Variants in GLYATL2 observed in about 807,000 individuals in gnomAD.
GLYATL2 encodes the protein glycine-N-acyltransferase like 2.
GLYATL2 carries 25 observed loss-of-function variants against 21.4 expected under a neutral mutation model. That is an observed-to-expected ratio of 1.17 (90% CI 0.85 to 1.63). GLYATL2 has a LOEUF of 1.63. GLYATL2 is among the 40% of genes most tolerant of loss of function. The pLI is 0.00. For missense variants in GLYATL2, 361 were observed against 343.3 expected (o/e 1.05, Z -0.41); for synonymous variants, 114 against 118.2 (o/e 0.96, Z 0.23).
intron 1 of GLYATL2, among the ~76,000 whole-genome samples, chr11:58,883,055 A>G (rs1164271051): frequency 6.6e-6 from 1 of 152,192 alleles, no homozygotes; most frequent in Non-Finnish European, 1.5e-5. Context: ...TTTTGATTGC[A>G]TATGAACTTT....
intron 1 of GLYATL2, among the ~76,000 whole-genome samples, chr11:58,853,170 A>G (rs1489608628): frequency 6.6e-6 from 1 of 152,204 alleles, no homozygotes; most frequent in Non-Finnish European, 1.5e-5. Flanking sequence ...ACTGACCCCA[A>G]GATTGTTTGA....
intron 1 of GLYATL2, among the ~76,000 whole-genome samples, chr11:58,842,239 A>C (rs1853566007): frequency 6.6e-6 from 1 of 152,220 alleles, no homozygotes; most frequent in African/African-American, 2.4e-5. Context: ...GACTGGAAGA[A>C]TACTTCTTTC....
intron 1 of GLYATL2, among the ~76,000 whole-genome samples, chr11:58,889,498 C>T (rs1854503535): frequency 6.6e-6 from 1 of 152,084 alleles, no homozygotes; most frequent in African/African-American, 2.4e-5. Context: ...TAACAACTTA[C>T]ATCTGAATTA....
upstream of GLYATL2, among the ~76,000 whole-genome samples, chr11:58,904,615 A>T (rs868295870): frequency 6.6e-6 from 1 of 152,230 alleles, no homozygotes; most frequent in Non-Finnish European, 1.5e-5. Flanking sequence ...CTTTCAGATG[A>T]TTCAAGAATA....
At chr11:58,881,337 A>T (rs1590744478) in intron 1 of GLYATL2, among the ~76,000 whole-genome samples, 1 of 152,250 alleles carries the variant, frequency 6.6e-6, no homozygotes, top group Non-Finnish European at 1.5e-5. Context: ...CTTTGAAACT[A>T]TCAGTTGTGA....
intron 1 of GLYATL2, among the ~76,000 whole-genome samples, chr11:58,899,544 C>A (rs568942295): frequency 6.6e-6 from 1 of 151,928 alleles, no homozygotes; most frequent in Non-Finnish European, 1.5e-5. Context: ...GCCTCAGATA[C>A]GAGCAGACAA....
intron 1 of GLYATL2, among the ~76,000 whole-genome samples, chr11:58,883,401 A>T (rs769348816): frequency 6.6e-6 from 1 of 152,246 alleles, no homozygotes; most frequent in Non-Finnish European, 1.5e-5. Context: ...CACCAATCCC[A>T]CAGAAATACA....
At chr11:58,877,634 A>T (rs895936546) in intron 1 of GLYATL2, among the ~76,000 whole-genome samples, 2 of 152,244 alleles carry the variant, frequency 1.3e-5, no homozygotes, top group Non-Finnish European at 2.9e-5. Context: ...CCAGTGAAGA[A>T]AGTCCATTAA....
At chr11:58,849,827 C>T (rs1411814893) in intron 1 of GLYATL2, among the ~76,000 whole-genome samples, 1 of 151,984 alleles carries the variant, frequency 6.6e-6, no homozygotes, top group Non-Finnish European at 1.5e-5. Context: ...AGGAGAAATA[C>T]CTAATGTAGA....
At chr11:58,887,570 A>G (rs1218495848) in intron 1 of GLYATL2, among the ~76,000 whole-genome samples, 1 of 152,112 alleles carries the variant, frequency 6.6e-6, no homozygotes, top group African/African-American at 2.4e-5. Context: ...GTCCTTGCCC[A>G]TATTAACACA....
intron 1 of GLYATL2, among the ~76,000 whole-genome samples, chr11:58,888,401 C>T (rs1401660307): frequency 6.6e-6 from 1 of 151,948 alleles, no homozygotes; most frequent in African/African-American, 2.4e-5. Context: ...ACTCCAAGAT[C>T]ATACAAGTGT....
intron 1 of GLYATL2, among the ~76,000 whole-genome samples, chr11:58,867,451 G>T (rs1451210598): frequency 6.7e-6 from 1 of 148,476 alleles, no homozygotes; most frequent in Non-Finnish European, 1.5e-5. Context: ...GTGAAAGTGG[G>T]TCAATGCCCA....
chr11:58,885,459 ATC>A (rs1207757464), intron 1 of GLYATL2: 25 of 508,794 alleles, frequency 4.9e-5, no homozygotes, highest in Non-Finnish European at 9.5e-5. Flanking sequence ...TATCACATCA[ATC>A]ATAGGAACCC....
At chr11:58,898,482 CTT>C (rs138211723) in intron 1 of GLYATL2, among the ~76,000 whole-genome samples, 103,711 of 146,642 alleles carry the variant, frequency 0.71, 38,452 homozygotes, top group Middle Eastern at 0.85. Context: ...ATTGTTTCCT[CTT>C]TTTTTTTTTT....
At chr11:58,849,580 A>T (rs1249961583), upstream of GLYATL2, among the ~76,000 whole-genome samples, 1 of 152,230 alleles carries the variant, frequency 6.6e-6, no homozygotes, top group African/African-American at 2.4e-5. Flanking sequence ...AAAGCCCAGG[A>T]TCTGACAGCT....
Position 58,834,391 on chromosome 11 carries a change from T to C in GLYATL2, c.*38A>G. On this transcript the variant is annotated 3_prime_UTR_variant, in exon 6 of 6. Transcript: ENST00000287275. ...GCTTGTGTTTGAATTAATGTTTTTT[T>C]ACTGATAAGAAAGATTTGAAATGGA... The C allele has an allele frequency of 6.7e-7, 1 of 1,497,822 alleles. No individual in the cohort carries two copies. The highest frequency in any genetic ancestry group is 9.0e-7 in the Non-Finnish European group (1 of 1,114,100). 92.8% of individuals were successfully genotyped at this position (1,497,822 alleles called of 1,614,324 possible). A position where few individuals can be genotyped will look rare whatever the true frequency, so the allele number is the denominator to read the frequency against.
At chr11:58,842,661 A>G (rs2134577915) in intron 1 of GLYATL2, among the ~76,000 whole-genome samples, 1 of 152,310 alleles carries the variant, frequency 6.6e-6, no homozygotes, top group Non-Finnish European at 1.5e-5. Flanking sequence ...TGAATGAATG[A>G]AACATTCATA....
chr11:58,845,148 A>G (rs1853620650), upstream of GLYATL2, among the ~76,000 whole-genome samples: 1 of 152,244 alleles, frequency 6.6e-6, no homozygotes, highest in Non-Finnish European at 1.5e-5. Flanking sequence ...AAGATCAATT[A>G]GGCTTGTTTG....
At chr11:58,860,229 A>T (rs633578) in intron 1 of GLYATL2, among the ~76,000 whole-genome samples, 135,007 of 152,178 alleles carry the variant, frequency 0.89, 61,053 homozygotes, top group Non-Finnish European at 0.98. Context: ...GACAGTATTA[A>T]TTCTCCCAAT....
Sources: gnomAD v4.1 joint callset for allele counts (sites outside exome capture counted in the v4.1 genomes callset) on GRCh38, gnomAD v4.1.1 for gene constraint, MANE v1.5 for transcripts, NCBI Gene and HGNC (gene_info 2026-07-23, HGNC 2026-07-21) for gene names.